The following FNIP1 variants were observed in gnomAD, a reference collection of about 807,000 sequenced individuals.
The protein encoded by FNIP1 is folliculin interacting protein 1.
In FNIP1, 40 loss-of-function variants were observed where a neutral mutation model predicts 124.5. The observed-to-expected ratio is 0.32, with a 90% CI of 0.25 to 0.42. The LOEUF is 0.42. Among genes scored for constraint, FNIP1 ranks in the 10% least tolerant of loss-of-function variants. FNIP1 has a pLI of 1.00. For synonymous variants in FNIP1, 472 were observed against 470.6 expected, an observed-to-expected ratio of 1.00 and a Z score of -0.04; for missense variants, 1,176 against 1,403.7, an observed-to-expected ratio of 0.84 and a Z score of 2.59.
chr5:131,694,569 G>C (rs1215305653), intron 11 of FNIP1, among the ~76,000 whole-genome samples: 1 of 152,160 alleles, frequency 6.6e-6, no homozygotes, highest in Non-Finnish European at 1.5e-5. Context: ...AAGAGGTAAA[G>C]AGATCAGTGG....
At chr5:131,795,167 T>C (rs953244984) in intron 1 of FNIP1, among the ~76,000 whole-genome samples, 5 of 152,192 alleles carry the variant, frequency 3.3e-5, no homozygotes, top group Non-Finnish European at 7.3e-5. Flanking sequence ...AGTGAGAGAT[T>C]CCATAATGTA....
chr5:131,711,625 G>A (rs1193460175), intron 6 of FNIP1, among the ~76,000 whole-genome samples: 1 of 152,150 alleles, frequency 6.6e-6, no homozygotes, highest in East Asian at 1.9e-4. Context: ...CTCCCCATGA[G>A]CCAGGACTAC....
intron 11 of FNIP1, among the ~76,000 whole-genome samples, chr5:131,696,467 G>A (rs188479614): frequency 2.6e-4 from 39 of 152,062 alleles, no homozygotes; most frequent in South Asian, 6.2e-4. Context: ...ACTGATTACC[G>A]TATCACTAGA....
intron 5 of FNIP1, among the ~76,000 whole-genome samples, chr5:131,718,273 C>G (rs1461669489): frequency 1.3e-5 from 2 of 151,888 alleles, no homozygotes; most frequent in Non-Finnish European, 2.9e-5. Flanking sequence ...CTCTTCCAAA[C>G]AGGTCTTTTT....
chr5:131,719,743 A>G (rs1265718739), intron 3 of FNIP1, among the ~76,000 whole-genome samples: 1 of 152,208 alleles, frequency 6.6e-6, no homozygotes, highest in Non-Finnish European at 1.5e-5. Flanking sequence ...CAATAATGCA[A>G]AAGCAGGCAT....
chr5:131,645,925 A>G (rs567807855), intron 17 of FNIP1, among the ~76,000 whole-genome samples: 4 of 152,210 alleles, frequency 2.6e-5, no homozygotes, highest in Admixed American at 6.5e-5. Context: ...AAAATTCTAC[A>G]AAACAATCTG....
intron 2 of FNIP1, among the ~76,000 whole-genome samples, chr5:131,739,440 C>CA (rs1770432020): frequency 6.6e-6 from 1 of 152,158 alleles, no homozygotes; most frequent in Admixed American, 6.6e-5. Context: ...TAATCATATA[C>CA]CAAAATTCCT....
chr5:131,709,120 G>T, intron 8 of FNIP1, 81 bp downstream of exon 8: 1 of 1,112,986 alleles, frequency 9.0e-7, no homozygotes, highest in Non-Finnish European at 1.4e-6. Context: ...GAACAAATTT[G>T]ATAATAAAGG....
At chr5:131,708,810 A>G (rs1408936256) in intron 8 of FNIP1, among the ~76,000 whole-genome samples, 2 of 152,056 alleles carry the variant, frequency 1.3e-5, no homozygotes, top group Non-Finnish European at 2.9e-5. Flanking sequence ...AAAGTATAAC[A>G]TTGATTCAAA....
intron 11 of FNIP1, among the ~76,000 whole-genome samples, chr5:131,681,866 T>G (rs1394144684): frequency 6.6e-6 from 1 of 150,522 alleles, no homozygotes; most frequent in East Asian, 1.9e-4. Context: ...ATAACAATAC[T>G]GAGACCATAA....
intron 1 of FNIP1, among the ~76,000 whole-genome samples, chr5:131,768,485 AG>A: frequency 6.6e-6 from 1 of 150,932 alleles, no homozygotes; most frequent in Admixed American, 6.6e-5. Flanking sequence ...TTTTTTAAAA[AG>A]GGGGGAACTT....
intron 12 of FNIP1, among the ~76,000 whole-genome samples, chr5:131,678,213 G>C (rs527457231): frequency 6.6e-6 from 1 of 152,206 alleles, no homozygotes; most frequent in South Asian, 2.1e-4. Flanking sequence ...TCAACCAGCA[G>C]GTCCTTACAT....
At chr5:131,786,038 G>A (rs1009113773) in intron 1 of FNIP1, among the ~76,000 whole-genome samples, 7 of 151,960 alleles carry the variant, frequency 4.6e-5, no homozygotes, top group African/African-American at 1.5e-4. Context: ...CCCTTGCAAT[G>A]TTTAAAAAAA....
intron 1 of FNIP1, among the ~76,000 whole-genome samples, chr5:131,747,868 G>C (rs746687399): frequency 1.3e-5 from 2 of 152,138 alleles, no homozygotes; most frequent in Non-Finnish European, 2.9e-5. Flanking sequence ...GACAGAATCT[G>C]AGGTGGAGGA....
chr5:131,754,176 C>CT (rs5871435), intron 1 of FNIP1, among the ~76,000 whole-genome samples: 140,250 of 152,272 alleles, frequency 0.92, 64,731 homozygotes, highest in African/African-American at 0.97. Context: ...GAATATTTCT[C>CT]TGTCACATTC....
At chr5:131,687,772 A>G (rs1192308361) in intron 11 of FNIP1, among the ~76,000 whole-genome samples, 1 of 152,198 alleles carries the variant, frequency 6.6e-6, no homozygotes, top group Non-Finnish European at 1.5e-5. Flanking sequence ...ATGAGTGTGA[A>G]TTCCTCTCAG....
At chr5:131,660,869 G>A (rs76384963) in intron 15 of FNIP1, among the ~76,000 whole-genome samples, 7,751 of 152,310 alleles carry the variant, frequency 0.051, 279 homozygotes, top group Non-Finnish European at 0.08. Flanking sequence ...GGGGGCTGAC[G>A]CTGGCACTAT....
intron 7 of FNIP1, 38 bp from the exon 8 acceptor site, chr5:131,709,310 T>G: frequency 6.4e-7 from 1 of 1,554,004 alleles, no homozygotes; most frequent in Non-Finnish European, 8.9e-7. Flanking sequence ...ATAAAATATA[T>G]TGCTATTCAG....
chr5:131,668,820 G>A (rs36061673), intron 15 of FNIP1, among the ~76,000 whole-genome samples: 1,622 of 152,304 alleles, frequency 0.011, 12 homozygotes, highest in Non-Finnish European at 0.016. Flanking sequence ...GAATGACTGT[G>A]GTTGTGTTCT....
Sources: gnomAD v4.1 joint callset for allele counts (sites outside exome capture counted in the v4.1 genomes callset) on GRCh38, gnomAD v4.1.1 for gene constraint, MANE v1.5 for transcripts, NCBI Gene and HGNC (gene_info 2026-07-23, HGNC 2026-07-21) for gene names.